MDN1: variants seen among roughly 807,000 people sequenced by gnomAD.
MDN1 encodes the protein midasin AAA ATPase 1.
A neutral mutation model predicts 669.2 loss-of-function variants in MDN1; 266 were observed. The ratio of observed to expected loss-of-function variants is 0.40; its 90% confidence interval spans 0.36 to 0.44. MDN1 has a LOEUF of 0.44. Among genes scored for constraint, MDN1 ranks in the 20% least tolerant of loss-of-function variants. The pLI, the probability that MDN1 is intolerant of heterozygous loss-of-function variation, is 1.00. For missense variants in MDN1, 5,940 were observed against 6,754.0 expected (o/e 0.88, Z 4.22); for synonymous variants, 2,385 against 2,457.1 (o/e 0.97, Z 0.87).
chr6:89,762,370 G>A lies in MDN1; in HGVS notation c.2305C>T (p.Gln769Ter). ...TTAACAGCAGACTTGTGTACATGCT[G>A]CATTAGTCTCAGGAGATCATGCCAC... ...KRWHDLLRLMQHVHKSAVNKD... is the reference protein window; with the variant it reads ...KRWHDLLRLM The change falls in exon 16 of 102, where the codon CAG (glutamine) becomes TAG (stop). Residue 769 changes from glutamine to a stop codon, truncating the protein, a stop_gained. Transcript: ENST00000369393. LOFTEE classifies it high-confidence loss of function. 3 of 1,614,090 alleles carry A rather than the reference G, an allele frequency of 1.9e-6. No homozygotes were observed. Among genetic ancestry groups the A allele is most frequent in the Non-Finnish European group, 2.5e-6 (3 of 1,180,012 alleles).
In MDN1 at chr6:89,803,473, C is replaced by T. The variant is rs1767796461; in HGVS notation, c.184G>A (p.Gly62Ser). 1.2e-6 allele frequency: 2 copies of T among 1,613,988 alleles called. No individual in the cohort carries two copies. Among genetic ancestry groups the T allele is most frequent in the Admixed American group, 3.3e-5 (2 of 59,986 alleles). ...AAAAGGAGAGGGCGAAGCTGGCGAC[C>T]AACCAGCACAGTACAGTCCTTATCC... ...LLDKDCTVLV[G>S]RQLRPLLLDL... is the part of the protein sequence containing the mutation. Residue 62 changes from glycine (G) to serine (S), a missense_variant, in exon 2 of 102, where the codon GGT becomes AGT. By Grantham distance (56) the Gly-to-Ser change is moderately conservative. This residue lies in a region of MDN1 where 1,203 missense variants were observed against 1,268.9 expected (regional missense o/e 0.95). Transcript: ENST00000369393.
At chr6:89,651,324 CAAAAAAA>C (rs57142164) in intron 95 of MDN1, among the ~76,000 whole-genome samples, 8 of 94,628 alleles carry the variant, frequency 8.5e-5, no homozygotes, top group Middle Eastern at 6.8e-3. Flanking sequence ...GATTCCGTCT[CAAAAAAA>C]AAAAAAAAAA....
At chr6:89,697,807 C>G (rs1436121596) in intron 59 of MDN1, among the ~76,000 whole-genome samples, 2 of 151,990 alleles carry the variant, frequency 1.3e-5, no homozygotes, top group Non-Finnish European at 2.9e-5. Context: ...GTCTTGAACT[C>G]CTGACCTCAA....
intron 35 of MDN1, 69 bp from the exon 36 acceptor site, chr6:89,729,208 A>T: frequency 7.8e-7 from 1 of 1,277,930 alleles, no homozygotes. Flanking sequence ...CATCAACTCA[A>T]GATTTTAAAA....
intron 14 of MDN1, 24 bp from the exon 15 acceptor site, chr6:89,771,645 T>A: frequency 6.3e-7 from 1 of 1,599,618 alleles, no homozygotes. Context: ...AGTGCAAAAG[T>A]GTTACTCCAA....
rs1160134878 is a variant in MDN1 at position 89,712,793 on chromosome 6, G to A, written c.7219-7C>T. ...CCAGTAAAGCCTGTACAAGCTGGTA[G>A]GAGACAAAAACACAATACAGTGGTA... On this transcript the variant is annotated splice_polypyrimidine_tract_variant and splice_region_variant and intron_variant, in intron 47 of 101. Coordinates refer to ENST00000369393, the MANE Select transcript of MDN1 (RefSeq NM_014611.3). 3 of 1,613,048 alleles carry A rather than the reference G, an allele frequency of 1.9e-6. No homozygotes were observed. The highest frequency in any genetic ancestry group is 1.7e-5 in the Admixed American group (1 of 59,996).
At chr6:89,758,668 G>T in intron 18 of MDN1, 148 bp downstream of exon 18, 1 of 832,614 alleles carries the variant, frequency 1.2e-6, no homozygotes, top group Non-Finnish European at 1.8e-6. Context: ...ACACTTTAAT[G>T]CACTTTGCAG....
intron 2 of MDN1, among the ~76,000 whole-genome samples, chr6:89,798,333 A>G (rs1304807571): frequency 6.6e-6 from 1 of 151,906 alleles, no homozygotes; most frequent in Non-Finnish European, 1.5e-5. Flanking sequence ...ACCAACATGG[A>G]GAAACCCCGT....
intron 83 of MDN1, among the ~76,000 whole-genome samples, chr6:89,670,168 A>ATTTTTTTTTTTTTT (rs1431713155): frequency 9.2e-5 from 2 of 21,640 alleles, no homozygotes; most frequent in Admixed American, 1.1e-3. Flanking sequence ...ATATATATAT[A>ATTTTTTTTTTTTTT]TATTTTTTTT....
At chr6:89,780,587 TAGCAGGAAAGGAGGGG>T (rs1818617311) in intron 10 of MDN1, among the ~76,000 whole-genome samples, 1 of 150,874 alleles carries the variant, frequency 6.6e-6, no homozygotes, top group Non-Finnish European at 1.5e-5. Flanking sequence ...CCAGACAAGG[TAGCAGGAAAGGAGGGG>T]AGCAACCAAT....
chr6:89,653,167 T>C lies in MDN1; in HGVS notation c.15662-12A>G. On this transcript the variant is annotated splice_polypyrimidine_tract_variant and intron_variant, in intron 93 of 101. Transcript: ENST00000369393. ...CATCTCATCAAAGCCTATTTTCATT[T>C]AAGGACATAATTTTACTTATAATAT... 2 of 1,602,946 alleles carry C rather than the reference T, an allele frequency of 1.2e-6. No individual in the cohort carries two copies.
At chr6:89,808,571 C>T (rs1768162138) in intron 1 of MDN1, among the ~76,000 whole-genome samples, 1 of 152,178 alleles carries the variant, frequency 6.6e-6, no homozygotes, top group African/African-American at 2.4e-5. Flanking sequence ...CACAGCTTTA[C>T]ATTCAGCCAG....
chr6:89,770,118 T>C (rs1287060731), intron 15 of MDN1, among the ~76,000 whole-genome samples: 1 of 150,798 alleles, frequency 6.6e-6, no homozygotes, highest in Non-Finnish European at 1.5e-5. Flanking sequence ...AAAAAAAGAA[T>C]TAAGAGGCCG....
Position 89,772,570 on chromosome 6 carries a change from T to C in MDN1, c.2083+3A>G, listed in dbSNP as rs757314042. ...GGGCAGATTTATTTCCTCTAGGGAT[T>C]ACCTGTAATGTGAGCCAAGTATTGG... is the stretch of plus-strand genomic sequence containing the variant. On this transcript the variant is annotated splice_donor_region_variant and intron_variant, in intron 14 of 101. Transcript: ENST00000369393. 1.1e-5 allele frequency: 18 copies of C among 1,612,708 alleles called. No homozygotes were observed. The highest frequency in any genetic ancestry group is 1.3e-5 in the Non-Finnish European group (15 of 1,179,598).
At position 89,642,966 on chromosome 6, in the gene MDN1, T is replaced by C. The variant is rs1584066150; in HGVS notation, c.*1039A>G. On this transcript the variant is annotated 3_prime_UTR_variant, in exon 102 of 102. Coordinates refer to ENST00000369393, the MANE Select transcript of MDN1 (RefSeq NM_014611.3). The stretch of plus-strand genomic sequence containing the variant: ...TGTAACTTGGAAACAGACAAGGAGA[T>C]AGATGATTACATCATGACATACTGC... 1 of 152,216 alleles carries C rather than the reference T, an allele frequency of 6.6e-6. No homozygotes were observed. Among genetic ancestry groups the C allele is most frequent in the Admixed American group, 6.5e-5 (1 of 15,282 alleles). The allele number at this position is 152,216 out of a possible 1,614,324, so 9.4% of individuals were successfully genotyped here.
intron 28 of MDN1, 26 bp downstream of exon 28, chr6:89,745,466 T>A: frequency 6.2e-7 from 1 of 1,613,838 alleles, no homozygotes; most frequent in South Asian, 1.1e-5. Flanking sequence ...CAAATCATAT[T>A]CCTCTAGGGA....
chr6:89,712,218 A>T lies in MDN1; in HGVS notation c.7469T>A (p.Met2490Lys). ...CAGGTTCTCAGGGCTGGGGGACTGC[A>T]TAATTTTCTCTAAGTCTTGCAAGGT... Reference protein sequence around the residue: ...PFTLQDLEKIMQSPSPENLKF... With the variant: ...PFTLQDLEKIKQSPSPENLKF... The change falls in exon 49 of 102, where the codon ATG becomes AAG. Residue 2490 changes from methionine (M) to lysine (K), a missense_variant. Met to Lys is a moderately conservative substitution (Grantham distance 95). Around this residue, in one of 5 missense-constraint regions of MDN1, gnomAD observed 2,292 missense variants for 2,638.3 expected, o/e 0.87. Transcript: ENST00000369393. 6.2e-7 allele frequency: 1 copy of T among 1,614,160 alleles called. No individual in the cohort carries two copies. Among genetic ancestry groups the T allele is most frequent in the Admixed American group, 1.7e-5 (1 of 60,026 alleles).
At chr6:89,698,037 T>C (rs530223281) in intron 59 of MDN1, among the ~76,000 whole-genome samples, 2 of 152,264 alleles carry the variant, frequency 1.3e-5, no homozygotes, top group South Asian at 4.1e-4. Flanking sequence ...CAATTGAAAA[T>C]GTTTATAACA....
chr6:89,810,893 G>A (rs1377415909), intron 1 of MDN1, among the ~76,000 whole-genome samples: 4 of 152,114 alleles, frequency 2.6e-5, no homozygotes, highest in Non-Finnish European at 5.9e-5. Context: ...AGCTGCTGAG[G>A]CAGGAGAATT....
Sources: allele counts gnomAD v4.1 joint callset (sites outside exome capture counted in the v4.1 genomes callset), GRCh38; gene constraint gnomAD v4.1.1; regional missense constraint gnomAD v4.1.1; transcripts MANE v1.5; gene names NCBI Gene and HGNC (gene_info 2026-07-23, HGNC 2026-07-21).